The following ALG12 variants were observed in gnomAD, a reference collection of about 807,000 sequenced individuals.
ALG12 encodes dol-P-Man:Man(7)GlcNAc(2)-PP-Dol alpha-1,6-mannosyltransferase.
ALG12 carries 36 observed loss-of-function variants against 46.0 expected under a neutral mutation model. The ratio of observed to expected loss-of-function variants is 0.78; its 90% confidence interval spans 0.60 to 1.03. The LOEUF (loss-of-function observed/expected upper bound fraction) is 1.03, where lower values mean the gene tolerates loss of function less well. Ranked by LOEUF, ALG12 falls within the 50% of genes least tolerant of loss-of-function variation. The probability of loss-of-function intolerance (pLI) is 0.00; values close to 1 mark genes in which losing one functional copy is unlikely to be tolerated. For synonymous variants in ALG12, 326 were observed against 291.6 expected (o/e 1.12, Z -1.20); for missense variants, 599 against 633.5 (o/e 0.95, Z 0.58).
rs182170314 is a variant in ALG12, at chr22:49,906,518, C to T, written c.992+1203G>A. Among the ~76,000 whole-genome samples, 580 of 152,232 alleles carry T rather than the reference C, an allele frequency of 3.8e-3. 5 individuals carry two copies. The highest frequency in any genetic ancestry group is 0.013 in the African/African-American group (521 of 41,538). On this transcript the variant is annotated intron_variant, in intron 7 of 9. Coordinates refer to ENST00000330817, the MANE Select transcript of ALG12 (RefSeq NM_024105.4). This position sits in a 1 kb window ranked among gnomAD's most constrained non-coding sequence, Gnocchi z 4.4. ...CGGCAGCCAGAGGAGCTCCCAGGCC[C>T]GAGGGCAGTGCGGGGCAGTCGGAGC...
chr22:49,894,807 C>T, the ALG12 span, among the ~76,000 whole-genome samples: 207 of 152,372 alleles, frequency 1.4e-3, no homozygotes, highest in African/African-American at 4.5e-3. Context: ...TCCTGCCGGA[C>T]GGCCGTCTCC....
At position 49,902,387 on chromosome 22, in the gene ALG12, GTGTGT is replaced by G. The variant is rs2060516029; in HGVS notation, c.*1446_*1450del. 1.4e-5 allele frequency: 1 copy of G among 70,566 alleles called. No homozygotes were observed. The highest frequency in any genetic ancestry group is 2.3e-5 in the Non-Finnish European group (1 of 42,946). The allele number at this position is 70,566 out of a possible 1,614,324, so 4.4% of individuals were successfully genotyped here. ...TGTGTGCACGTGTGCACGGTGTGTG[GTGTGT>G]ATGCATGGTGTGTGCACATGTGCAC... On this transcript the variant is annotated 3_prime_UTR_variant, in exon 10 of 10. Transcript: ENST00000330817.
At chr22:49,887,527 T>G in the ALG12 span, 1 of 203,978 alleles carries the variant, frequency 4.9e-6, no homozygotes, top group Admixed American at 5.3e-5. Flanking sequence ...TCTGTAGGCT[T>G]TTTACTCAAT....
At chr22:49,865,016 A>G in the ALG12 span, among the ~76,000 whole-genome samples, 2 of 136,734 alleles carry the variant, frequency 1.5e-5, no homozygotes, top group Non-Finnish European at 3.0e-5. Context: ...ACCCTTATTC[A>G]GTCCTAGCTC....
In ALG12 at chr22:49,910,430, G is replaced by GT; in HGVS notation, c.469+3dup. On this transcript the variant is annotated splice_donor_region_variant and intron_variant, in intron 4 of 9. Transcript: ENST00000330817. ...GTGTGCAGGCCCGGCCGGCAGCTACGTACCTACAGGCAGGGCCAGCACATT... is the reference window on the plus strand; with the variant it reads ...GTGTGCAGGCCCGGCCGGCAGCTACGTTACCTACAGGCAGGGCCAGCACATT... The GT allele has an allele frequency of 6.2e-7, 1 of 1,613,268 alleles. No individual in the cohort carries two copies. Among genetic ancestry groups the GT allele is most frequent in the Non-Finnish European group, 8.5e-7 (1 of 1,179,844 alleles).
the ALG12 span, among the ~76,000 whole-genome samples, chr22:49,872,739 C>G: frequency 1.2e-3 from 176 of 151,592 alleles, no homozygotes; most frequent in African/African-American, 4.2e-3. Context: ...GAGACTCACT[C>G]CATCGCCCAG....
At chr22:49,908,526 C>CAAAA (rs11432710) in intron 6 of ALG12, among the ~76,000 whole-genome samples, 1 of 55,026 alleles carries the variant, frequency 1.8e-5, no homozygotes, top group African/African-American at 7.4e-5. Context: ...GACTCTGTCT[C>CAAAA]AAAAAAAAAA....
chr22:49,900,301 C>G lies in ALG12; in HGVS notation c.*3537G>C, dbSNP rs1317865916. The G allele has an allele frequency of 6.6e-6, 1 of 152,112 alleles. No homozygotes were observed. Among genetic ancestry groups the G allele is most frequent in the East Asian group, 1.9e-4 (1 of 5,188 alleles). The allele number at this position is 152,112 out of a possible 1,614,324, so 9.4% of individuals were successfully genotyped here. Reference sequence around the variant, plus strand: ...ACCAGGAGACAATTATGCTCATTACCAAAAAGCGAGGAGGAGGTACAGGAG... The same window carrying G: ...ACCAGGAGACAATTATGCTCATTACGAAAAAGCGAGGAGGAGGTACAGGAG... On this transcript the variant is annotated 3_prime_UTR_variant, in exon 10 of 10. Coordinates refer to ENST00000330817, the MANE Select transcript of ALG12 (RefSeq NM_024105.4).
chr22:49,861,675 G>A, the ALG12 span, among the ~76,000 whole-genome samples: 11 of 152,054 alleles, frequency 7.2e-5, no homozygotes, highest in East Asian at 1.9e-4. Flanking sequence ...GGGCTCAAAC[G>A]ATTTACCTGC....
the ALG12 span, among the ~76,000 whole-genome samples, chr22:49,861,710 T>C: frequency 1.3e-5 from 2 of 152,222 alleles, no homozygotes; most frequent in African/African-American, 4.8e-5. Flanking sequence ...GTGCTGGGAT[T>C]ACAGGCGTGA....
chr22:49,884,398 G>A, the ALG12 span: 55 of 1,613,170 alleles, frequency 3.4e-5, no homozygotes, highest in African/African-American at 2.1e-4. Context: ...GGAGAAGTGC[G>A]GCAGAGAAGA....
the ALG12 span, chr22:49,887,475 T>G: frequency 7.2e-6 from 2 of 279,162 alleles, no homozygotes; most frequent in Non-Finnish European, 7.2e-6. Flanking sequence ...GGGTTAGTAA[T>G]TTGTTTTACT....
rs2060539394 is a variant in ALG12 at position 49,905,885 on chromosome 22, C to A, written c.993-1379G>T. 6.6e-6 allele frequency among the ~76,000 whole-genome samples: 1 copy of A among 152,212 alleles called. No individual in the cohort carries two copies. Among genetic ancestry groups the A allele is most frequent in the South Asian group, 2.1e-4 (1 of 4,836 alleles). The stretch of plus-strand genomic sequence containing the variant: ...AGTGCCTGCCCCAAAGAGCTCAGCA[C>A]TGCCAGGGCGTTCGTCCTTTGTTCC... On this transcript the variant is annotated intron_variant, in intron 7 of 9. Coordinates refer to ENST00000330817, the MANE Select transcript of ALG12 (RefSeq NM_024105.4). The surrounding 1 kb of genome is among the most constrained non-coding windows in gnomAD (Gnocchi z 4.9).
chr22:49,907,705 C>G lies in ALG12; in HGVS notation c.992+16G>C, dbSNP rs1438739629. The G allele has an allele frequency of 6.8e-6, 11 of 1,611,834 alleles. No individual in the cohort carries two copies. Among genetic ancestry groups the G allele is most frequent in the East Asian group, 2.2e-5 (1 of 44,892 alleles). ...AATGAAACTATAAAAATGCATGTCACAAAAAGAGCACTCACAGGTAGGAGC... is the reference window on the plus strand; with the variant it reads ...AATGAAACTATAAAAATGCATGTCAGAAAAAGAGCACTCACAGGTAGGAGC... On this transcript the variant is annotated intron_variant, in intron 7 of 9. Coordinates refer to ENST00000330817, the MANE Select transcript of ALG12 (RefSeq NM_024105.4).
chr22:49,896,798 G>C (rs9616773), downstream of ALG12, among the ~76,000 whole-genome samples: 15,396 of 151,518 alleles, frequency 0.1, 762 homozygotes, highest in South Asian at 0.12. Context: ...ACCACGCCTG[G>C]CTAATTTTTG....
Position 49,903,121 on chromosome 22 carries a change from C to G in ALG12, c.*717G>C. 2 of 353,584 alleles carry G rather than the reference C, an allele frequency of 5.7e-6. No individual in the cohort carries two copies. The highest frequency in any genetic ancestry group is 1.6e-4 in the East Asian group (2 of 12,838). The allele number at this position is 353,584 out of a possible 1,614,324, so 21.9% of individuals were successfully genotyped here. ...GGTCAGTGAGGCTGACAGCACCAAG[C>G]TGTCCCTTTACCATAACACCTGGAA... On this transcript the variant is annotated 3_prime_UTR_variant, in exon 10 of 10. Coordinates refer to ENST00000330817, the MANE Select transcript of ALG12 (RefSeq NM_024105.4).
chr22:49,903,613 C>T lies in ALG12; in HGVS notation c.*225G>A. ...GCCACCATCACCCTGGGCAGTGGCT[C>T]CCGGGGTGCCAACAAGACCTGGGCC... On this transcript the variant is annotated 3_prime_UTR_variant, in exon 10 of 10. Coordinates refer to ENST00000330817, the MANE Select transcript of ALG12 (RefSeq NM_024105.4). 1.4e-6 allele frequency: 1 copy of T among 695,032 alleles called. No homozygotes were observed. Among genetic ancestry groups the T allele is most frequent in the Non-Finnish European group, 2.6e-6 (1 of 382,512 alleles). 43.1% of individuals were successfully genotyped at this position (695,032 alleles called of 1,614,324 possible). A position where few individuals can be genotyped will look rare whatever the true frequency, so the allele number is the denominator to read the frequency against.
chr22:49,860,927 C>T, the ALG12 span, among the ~76,000 whole-genome samples: 1 of 151,838 alleles, frequency 6.6e-6, no homozygotes, highest in African/African-American at 2.4e-5. Flanking sequence ...TACAGGCGCC[C>T]ACCACCACGC....
rs9627644 is a variant in ALG12 at position 49,908,016 on chromosome 22, T to C, written c.769-72A>G. 186,907 of 1,480,082 alleles carry C rather than the reference T, an allele frequency of 0.13. 20,662 individuals are homozygous for C. Among genetic ancestry groups the C allele is most frequent in the African/African-American group, 0.55 (39,845 of 72,592 alleles). The allele number at this position is 1,480,082 out of a possible 1,614,324, so 91.7% of individuals were successfully genotyped here. On this transcript the variant is annotated intron_variant, in intron 6 of 9. Transcript: ENST00000330817. ...CGTGGGCTAGGTGGCAGGGTCAAGGTGGAGAAGACGCTTGAAGACAGTTGT... is the reference window on the plus strand; with the variant it reads ...CGTGGGCTAGGTGGCAGGGTCAAGGCGGAGAAGACGCTTGAAGACAGTTGT...
Sources: gnomAD v4.1 joint callset for allele counts (sites outside exome capture counted in the v4.1 genomes callset) on GRCh38, gnomAD v4.1.1 for gene constraint, Gnocchi (gnomAD v3.1) non-coding constraint, MANE v1.5 for transcripts, NCBI Gene and HGNC (gene_info 2026-07-23, HGNC 2026-07-21) for gene names.